Variants in KIF1A observed in about 807,000 individuals in gnomAD.
KIF1A encodes the protein kinesin family member 1A.
In KIF1A, 46 loss-of-function variants were observed where a neutral mutation model predicts 227.3. The observed-to-expected ratio is 0.20, with a 90% confidence interval of 0.16 to 0.26. KIF1A has a LOEUF of 0.26. KIF1A is among the 10% of genes least tolerant of loss of function. KIF1A has a pLI of 1.00. For synonymous variants in KIF1A, 1,022 were observed against 1,012.8 expected (o/e 1.01, Z -0.17); for missense variants, 1,683 against 2,485.9 (o/e 0.68, Z 6.87).
Position 240,788,041 on chromosome 2 carries a change from C to CCCCG in KIF1A, c.363+9_363+10insCGGG. On this transcript the variant is annotated intron_variant, in intron 4 of 48. Transcript: ENST00000498729. This position sits in a 1 kb window ranked among gnomAD's most constrained non-coding sequence, Gnocchi z 6.6. ...GCCAGGGCTGCCCCCGCCCGCCCCC[C>CCCCG]GCTTCGTGCCTGTGGGATGATGCCC... 5 of 1,520,620 alleles carry CCCCG rather than the reference C, an allele frequency of 3.3e-6. No individual in the cohort carries two copies. The highest frequency in any genetic ancestry group is 1.2e-5 in the South Asian group (1 of 83,408). The allele number at this position is 1,520,620 out of a possible 1,614,324, so 94.2% of individuals were successfully genotyped here. A position where few individuals can be genotyped will look rare whatever the true frequency, so the allele number is the denominator to read the frequency against.
chr2:240,762,328 A>C (rs951997286), intron 23 of KIF1A, among the ~76,000 whole-genome samples: 1 of 152,190 alleles, frequency 6.6e-6, no homozygotes, highest in Non-Finnish European at 1.5e-5. Flanking sequence ...CGGGGGCCCC[A>C]TGAGCCTTGT....
chr2:240,719,045 G>A lies in KIF1A; in HGVS notation c.5175C>T (p.Ala1725=), dbSNP rs111782520. ...GCTGGTCCTCACTGTACTCCACCTG[G>A]GCAGTGGCCAGGTTGAGCACGAACC... The part of the protein sequence containing the change: ...VERFVLNLAT[A]QVEYSEDQQA... Residue 1725 remains alanine, a synonymous_variant, in exon 47 of 49, where the codon GCC becomes GCT. Coordinates refer to ENST00000498729, the MANE Select transcript of KIF1A (RefSeq NM_001244008.2). The A allele has an allele frequency of 6.2e-7, 1 of 1,612,262 alleles. No homozygotes were observed. The highest frequency in any genetic ancestry group is 8.5e-7 in the Non-Finnish European group (1 of 1,179,472).
At chr2:240,768,679 A>C (rs2051521062) in intron 17 of KIF1A, among the ~76,000 whole-genome samples, 1 of 151,916 alleles carries the variant, frequency 6.6e-6, no homozygotes, top group Middle Eastern at 3.2e-3. Context: ...CAGCTGAAAG[A>C]CCCCTTAGGC....
At chr2:240,774,833 T>C (rs1416955506) in intron 11 of KIF1A, among the ~76,000 whole-genome samples, 1 of 152,150 alleles carries the variant, frequency 6.6e-6, no homozygotes, top group Non-Finnish European at 1.5e-5. Context: ...TCAGGACTGC[T>C]GCCTGGCGGT....
intron 40 of KIF1A, 144 bp from the exon 41 acceptor site, chr2:240,724,180 C>A (rs2045723861): frequency 2.7e-6 from 2 of 733,306 alleles, no homozygotes; most frequent in Middle Eastern, 2.8e-4. Context: ...TGAGCTACAG[C>A]CCCTGTTCAG....
chr2:240,769,021 G>GC (rs2051576735), intron 17 of KIF1A, 112 bp downstream of exon 17: 2 of 915,098 alleles, frequency 2.2e-6, no homozygotes, highest in Non-Finnish European at 3.5e-6. Context: ...CTGGGCCAGA[G>GC]CCCCACCGTG....
chr2:240,772,646 A>G, intron 13 of KIF1A, 50 bp from the exon 14 acceptor site: 1 of 1,448,710 alleles, frequency 6.9e-7, no homozygotes, highest in Non-Finnish European at 9.5e-7. Flanking sequence ...GAAACAGAAG[A>G]ACAGGTTTGT....
intron 1 of KIF1A, among the ~76,000 whole-genome samples, chr2:240,803,524 C>T (rs929474451): frequency 6.6e-6 from 1 of 152,156 alleles, no homozygotes; most frequent in African/African-American, 2.4e-5. Flanking sequence ...CTTATGGGAG[C>T]GTTTAGGTCT....
At position 240,803,756 on chromosome 2, in the gene KIF1A, G is replaced by A. The variant is rs1033315772; in HGVS notation, c.-60-5944C>T. On this transcript the variant is annotated intron_variant, in intron 1 of 48. Transcript: ENST00000498729. The stretch of plus-strand genomic sequence containing the variant: ...AATTTTAAAAACAGCTAAGAGAGTT[G>A]AAAAAAATTGGGTATGAGGAACAAA... 3.9e-5 allele frequency among the ~76,000 whole-genome samples: 6 copies of A among 152,172 alleles called. No homozygotes were observed. The East Asian group carries it at 1.2e-3, about 29-fold the overall frequency.
At chr2:240,760,896 G>C in intron 24 of KIF1A, 53 bp from the exon 25 acceptor site, 1 of 1,528,126 alleles carries the variant, frequency 6.5e-7, no homozygotes, top group Non-Finnish European at 8.8e-7. Context: ...CAGGGTGCCA[G>C]GTCCCCAAAA....
At chr2:240,765,616 A>G (rs1460801246) in intron 20 of KIF1A, 94 bp downstream of exon 20, 41 of 1,003,460 alleles carry the variant, frequency 4.1e-5, no homozygotes, top group Non-Finnish European at 6.2e-5. Context: ...GCCATCCCGC[A>G]CAGTGCACAG....
At chr2:240,718,665 G>A (rs1021203179) in intron 47 of KIF1A, among the ~76,000 whole-genome samples, 18 of 152,194 alleles carry the variant, frequency 1.2e-4, no homozygotes, top group Non-Finnish European at 1.6e-4. Flanking sequence ...CCTGTGGCTC[G>A]CCCATTCCTG....
Position 240,725,168 on chromosome 2 carries a change from T to G in KIF1A, c.4256+103A>C, listed in dbSNP as rs1575525057. 7.9e-7 allele frequency: 1 copy of G among 1,273,598 alleles called. No homozygotes were observed. The highest frequency in any genetic ancestry group is 1.1e-6 in the Non-Finnish European group (1 of 918,442). 78.9% of individuals were successfully genotyped at this position (1,273,598 alleles called of 1,614,324 possible). ...GAGTGTGGCTGGGCCTCGCACAGGGTGAGCTGCCGGGTGGCCCAAGGACCG... is the reference window on the plus strand; with the variant it reads ...GAGTGTGGCTGGGCCTCGCACAGGGGGAGCTGCCGGGTGGCCCAAGGACCG... On this transcript the variant is annotated intron_variant, in intron 40 of 48. Transcript: ENST00000498729. This position sits in a 1 kb window ranked among gnomAD's most constrained non-coding sequence, Gnocchi z 5.8.
chr2:240,741,134 A>G, intron 35 of KIF1A, 135 bp downstream of exon 35: 1 of 615,738 alleles, frequency 1.6e-6, no homozygotes, highest in Non-Finnish European at 2.9e-6. Context: ...CGGGCCCACA[A>G]GAGGTCTGCA....
At chr2:240,808,450 G>A (rs977685743) in intron 1 of KIF1A, among the ~76,000 whole-genome samples, 1 of 151,710 alleles carries the variant, frequency 6.6e-6, no homozygotes, top group Non-Finnish European at 1.5e-5. Flanking sequence ...CTTGAGCCCA[G>A]GAATTCAAGA....
chr2:240,750,561 G>C lies in KIF1A; in HGVS notation c.2859-14C>G. On this transcript the variant is annotated splice_polypyrimidine_tract_variant and intron_variant, in intron 27 of 48. Coordinates refer to ENST00000498729, the MANE Select transcript of KIF1A (RefSeq NM_001244008.2). Reference sequence around the variant, plus strand: ...TACACGAAGGCCCTGGGGAGAAGCAGAGGCGGCGGTCATGGGCCACCCCTC... The same window carrying C: ...TACACGAAGGCCCTGGGGAGAAGCACAGGCGGCGGTCATGGGCCACCCCTC... 3 of 1,597,288 alleles carry C rather than the reference G, an allele frequency of 1.9e-6. No individual in the cohort carries two copies. Among genetic ancestry groups the C allele is most frequent in the African/African-American group, 1.3e-5 (1 of 74,702 alleles).
chr2:240,769,091 G>A, intron 17 of KIF1A, 42 bp downstream of exon 17: 1 of 1,543,800 alleles, frequency 6.5e-7, no homozygotes, highest in Non-Finnish European at 8.8e-7. Flanking sequence ...ACCTGGTCCT[G>A]TTCAGATGAG....
intron 1 of KIF1A, among the ~76,000 whole-genome samples, chr2:240,812,905 CGCCTTCACCTCGGGGATCA>C (rs1575677775): frequency 1.8e-3 from 216 of 119,992 alleles, no homozygotes; most frequent in Middle Eastern, 6.0e-3. Context: ...CTCGGGGATC[CGCCTTCACCTCGGGGATCA>C]GCCTTCACCT....
chr2:240,815,106 C>T (rs2058218772), intron 1 of KIF1A, among the ~76,000 whole-genome samples: 1 of 152,212 alleles, frequency 6.6e-6, no homozygotes, highest in Non-Finnish European at 1.5e-5. Flanking sequence ...AGGACCTGCA[C>T]CCATGGTGGG....
Sources: gnomAD v4.1 joint callset for allele counts (sites outside exome capture counted in the v4.1 genomes callset) on GRCh38, gnomAD v4.1.1 for gene constraint, Gnocchi (gnomAD v3.1) non-coding constraint, MANE v1.5 for transcripts, NCBI Gene and HGNC (gene_info 2026-07-23, HGNC 2026-07-21) for gene names.